HNF4A: variants seen among roughly 807,000 people sequenced by gnomAD.
The protein encoded by HNF4A is hepatocyte nuclear factor 4-alpha.
A neutral mutation model predicts 52.4 loss-of-function variants in HNF4A; 15 were observed. The observed-to-expected ratio is 0.29, with a 90% CI of 0.19 to 0.44. The LOEUF (loss-of-function observed/expected upper bound fraction) is 0.44, where lower values mean the gene tolerates loss of function less well. Among genes scored for constraint, HNF4A ranks in the 20% least tolerant of loss-of-function variants. HNF4A has a pLI of 1.00. For missense variants in HNF4A, 479 were observed against 647.2 expected, an observed-to-expected ratio of 0.74 and a Z score of 2.82; for synonymous variants, 280 against 264.4, an observed-to-expected ratio of 1.06 and a Z score of -0.57.
At chr20:44,402,524 T>A (rs756431538) in intron 1 of HNF4A, 1 of 1,339,306 alleles carries the variant, frequency 7.5e-7, no homozygotes, top group Non-Finnish European at 1.0e-6. Context: ...GAGATTCATA[T>A]CAGCAACATG....
chr20:44,415,120 G>T (rs2063645268), intron 5 of HNF4A, among the ~76,000 whole-genome samples: 1 of 152,116 alleles, frequency 6.6e-6, no homozygotes, highest in Admixed American at 6.5e-5. Context: ...GCCTAATCCT[G>T]GGCAAATGAG....
Position 44,402,114 on chromosome 20 carries a change from C to T in HNF4A, c.115+627C>T, listed in dbSNP as rs115720358. Among the ~76,000 whole-genome samples the T allele has an allele frequency of 2.6e-3, 398 of 151,994 alleles. 1 individual carries two copies. The highest frequency in any genetic ancestry group is 9.0e-3 in the African/African-American group (374 of 41,386). On this transcript the variant is annotated intron_variant, in intron 1 of 9. Transcript: ENST00000316099. The stretch of plus-strand genomic sequence containing the variant: ...ATGGGTGGGGTGATGCCTTCAGGAA[C>T]CCATTTGCATATGTGTGTTCATTTG...
chr20:44,385,379 T>C (rs969911532), intron 1 of HNF4A, among the ~76,000 whole-genome samples: 20 of 152,000 alleles, frequency 1.3e-4, no homozygotes, highest in Non-Finnish European at 2.5e-4. Flanking sequence ...CCCAGCACTT[T>C]GGGAGGCTGA....
chr20:44,358,148 CA>C (rs1294130313), intron 1 of HNF4A, among the ~76,000 whole-genome samples: 6 of 131,296 alleles, frequency 4.6e-5, no homozygotes, highest in Admixed American at 3.9e-4. Context: ...AAAAACAAAA[CA>C]AAAAACTGTG....
At chr20:44,425,430 G>A (rs921768888) in intron 8 of HNF4A, among the ~76,000 whole-genome samples, 4 of 152,182 alleles carry the variant, frequency 2.6e-5, no homozygotes, top group African/African-American at 9.7e-5. Context: ...CATCTATTTG[G>A]AGGAAGAGCC....
chr20:44,387,288 T>TA (rs537843651), intron 1 of HNF4A, among the ~76,000 whole-genome samples: 1,129 of 81,816 alleles, frequency 0.014, 16 homozygotes, highest in African/African-American at 0.029. Context: ...AACTTCATCT[T>TA]AAAAAAAAAA....
At chr20:44,414,848 C>A (rs1005139421) in intron 5 of HNF4A, among the ~76,000 whole-genome samples, 186 bp downstream of exon 5, 2 of 152,222 alleles carry the variant, frequency 1.3e-5, no homozygotes, top group African/African-American at 4.8e-5. Context: ...GCTCCTCCAA[C>A]AACTCTATGA....
chr20:44,423,134 T>C lies in HNF4A; in HGVS notation c.893-884T>C, dbSNP rs1356787952. On this transcript the variant is annotated intron_variant, in intron 7 of 9. Coordinates refer to ENST00000316099, the MANE Select transcript of HNF4A (RefSeq NM_000457.6). ...AAGTTTGAGATGAGCCTGACCAGCA[T>C]GGTGAAACCCCGTCTCTACTAAAAT... is the stretch of plus-strand genomic sequence containing the variant. Among the ~76,000 whole-genome samples the C allele has an allele frequency of 1.3e-5, 2 of 151,960 alleles. 1 individual carries two copies. Among genetic ancestry groups the C allele is most frequent in the Admixed American group, 1.3e-4 (2 of 15,258 alleles).
chr20:44,383,028 G>T (rs1392668939), intron 1 of HNF4A, among the ~76,000 whole-genome samples: 1 of 152,078 alleles, frequency 6.6e-6, no homozygotes, highest in Non-Finnish European at 1.5e-5. Flanking sequence ...AATTAGCCAG[G>T]GGTGGTGGTC....
intron 1 of HNF4A, among the ~76,000 whole-genome samples, chr20:44,367,573 G>A (rs1336051077): frequency 2.0e-5 from 3 of 151,034 alleles, no homozygotes; most frequent in African/African-American, 7.3e-5. Flanking sequence ...CCCAGGAGGC[G>A]GAGGTTGCAG....
chr20:44,403,827 T>A (rs1391190249), intron 1 of HNF4A, among the ~76,000 whole-genome samples: 1 of 152,208 alleles, frequency 6.6e-6, no homozygotes, highest in Non-Finnish European at 1.5e-5. Context: ...GGTGCTCGGC[T>A]GACCTCAGAG....
At chr20:44,396,443 G>C (rs1325090522), upstream of HNF4A, among the ~76,000 whole-genome samples, 1 of 152,172 alleles carries the variant, frequency 6.6e-6, no homozygotes. Context: ...CCCAACTGCA[G>C]GTTGCCCAGG....
Position 44,414,519 on chromosome 20 carries a change from G to T in HNF4A, c.505G>T (p.Val169Phe). The T allele has an allele frequency of 6.2e-7, 1 of 1,614,208 alleles. No individual in the cohort carries two copies. Among genetic ancestry groups the T allele is most frequent in the Non-Finnish European group, 8.5e-7 (1 of 1,180,042 alleles). The change falls in exon 5 of 10, where the codon GTC becomes TTC. Residue 169 changes from valine to phenylalanine, a missense_variant. This residue lies in a region of HNF4A where 389 missense variants were observed against 525.1 expected (regional missense o/e 0.74). Transcript: ENST00000316099. Reference sequence around the variant, plus strand: ...GTATCTCTCGAAGATCACCTCCCCCGTCTCCGGGATCAACGGCGACATTCG... The same window carrying T: ...GTATCTCTCGAAGATCACCTCCCCCTTCTCCGGGATCAACGGCGACATTCG...
chr20:44,381,909 C>T (rs556141370), intron 1 of HNF4A, among the ~76,000 whole-genome samples: 1 of 152,230 alleles, frequency 6.6e-6, no homozygotes, highest in Non-Finnish European at 1.5e-5. Flanking sequence ...CCGCACCCGG[C>T]AGGAAAGTAC....
chr20:44,370,021 T>G (rs1275495194), intron 1 of HNF4A, among the ~76,000 whole-genome samples: 1 of 151,950 alleles, frequency 6.6e-6, no homozygotes, highest in Non-Finnish European at 1.5e-5. Context: ...GGACTTTTGT[T>G]TTTTTTGTTT....
chr20:44,370,830 CCT>C (rs1033331270), intron 1 of HNF4A, among the ~76,000 whole-genome samples: 2 of 152,182 alleles, frequency 1.3e-5, no homozygotes, highest in African/African-American at 4.8e-5. Flanking sequence ...GGTAAACAGA[CCT>C]CTCTCTCCCC....
chr20:44,422,703 A>G (rs1286717583), intron 7 of HNF4A, among the ~76,000 whole-genome samples: 2 of 148,606 alleles, frequency 1.3e-5, no homozygotes, highest in East Asian at 3.9e-4. Flanking sequence ...TAAAATATAT[A>G]TATATATAGT....
chr20:44,372,779 GAGA>G (rs1257474450), intron 1 of HNF4A: 1 of 152,124 alleles, frequency 6.6e-6, no homozygotes, highest in Non-Finnish European at 1.5e-5. Flanking sequence ...TTTGTTTTTG[GAGA>G]AGATGGTGTC....
chr20:44,419,980 G>A, intron 7 of HNF4A, 104 bp downstream of exon 7: 1 of 1,198,548 alleles, frequency 8.3e-7, no homozygotes, highest in Non-Finnish European at 1.2e-6. Flanking sequence ...CTCATCTCAT[G>A]TTAACGACAG....
Sources: allele counts gnomAD v4.1 joint callset (sites outside exome capture counted in the v4.1 genomes callset), GRCh38; gene constraint gnomAD v4.1.1; regional missense constraint gnomAD v4.1.1; transcripts MANE v1.5; gene names NCBI Gene and HGNC (gene_info 2026-07-23, HGNC 2026-07-21).